ANO7: variants seen among roughly 807,000 people sequenced by gnomAD.
ANO7 encodes the protein anoctamin-7.
Under a neutral mutation model 115.8 loss-of-function variants are expected in ANO7, and 114 were observed. The observed-to-expected ratio is 0.98, with a 90% CI of 0.85 to 1.15. ANO7 has a LOEUF of 1.15. ANO7 is among the 50% of genes most tolerant of loss of function. The probability of loss-of-function intolerance (pLI) is 0.00; values close to 1 mark genes in which losing one functional copy is unlikely to be tolerated. For missense variants in ANO7, 1,302 were observed against 1,201.2 expected (o/e 1.08, Z -1.24); for synonymous variants, 550 against 498.2 (o/e 1.10, Z -1.38).
intron 5 of ANO7, among the ~76,000 whole-genome samples, chr2:241,199,851 C>A (rs956731731): frequency 6.6e-6 from 1 of 152,194 alleles, no homozygotes; most frequent in African/African-American, 2.4e-5. Context: ...CCAGTTCCCA[C>A]CCCTTTTCCA....
intron 19 of ANO7, 135 bp downstream of exon 19, chr2:241,216,373 G>T: frequency 2.6e-6 from 3 of 1,153,530 alleles, no homozygotes; most frequent in Non-Finnish European, 2.4e-6. Context: ...GGTGGGGTGG[G>T]AACAGAGGGT....
Position 241,209,629 on chromosome 2 carries a change from G to A in ANO7, c.1353G>A (p.Val451=). 6.4e-7 allele frequency: 1 copy of A among 1,556,258 alleles called. No homozygotes were observed. Among genetic ancestry groups the A allele is most frequent in the Non-Finnish European group, 8.7e-7 (1 of 1,153,164 alleles). Residue 451 remains valine (V), a synonymous_variant, in exon 13 of 25, where the codon GTG becomes GTA. Coordinates refer to ENST00000674324, the MANE Select transcript of ANO7 (RefSeq NM_001370694.2). ...TGCTGGCCGGCTCTGTGGTGATCGT[G>A]GTGATGGTATGCGGTCCCCCTGCCC... ...RRMLAGSVVI[V]VMVAVVVMCL... is the part of the protein sequence containing the mutation.
intron 2 of ANO7, 146 bp from the exon 3 acceptor site, chr2:241,191,048 G>C: frequency 1.1e-6 from 1 of 911,462 alleles, no homozygotes; most frequent in Non-Finnish European, 1.7e-6. Flanking sequence ...CCCACCCGCC[G>C]AACATTCTTC....
the ANO7 span, chr2:241,233,704 C>A: frequency 2.1e-4 from 229 of 1,115,872 alleles, no homozygotes; most frequent in Non-Finnish European, 2.8e-4. This position sits in a 1 kb window ranked among gnomAD's most constrained non-coding sequence, Gnocchi z 4.3. Flanking sequence ...GAGAGACTTG[C>A]CACTCTCAAC....
chr2:241,218,402 AG>A, intron 21 of ANO7, 21 bp downstream of exon 21: 1 of 1,275,954 alleles, frequency 7.8e-7, no homozygotes, highest in Non-Finnish European at 9.9e-7. Flanking sequence ...CGCCAGGTGG[AG>A]GGGGCCGCGG....
the ANO7 span, among the ~76,000 whole-genome samples, chr2:241,235,894 G>T: frequency 1.1e-4 from 16 of 152,268 alleles, no homozygotes; most frequent in Non-Finnish European, 2.1e-4. Flanking sequence ...CACATCCTCG[G>T]GGTCATGACG....
intron 21 of ANO7, among the ~76,000 whole-genome samples, chr2:241,219,250 A>T (rs2068950326): frequency 1.3e-5 from 2 of 152,188 alleles, no homozygotes; most frequent in Admixed American, 1.3e-4. Flanking sequence ...CTAATGTTGG[A>T]GCAAATCTCA....
chr2:241,228,694 GA>G (rs1305554579), downstream of ANO7: 1 of 152,884 alleles, frequency 6.5e-6, no homozygotes, highest in Non-Finnish European at 1.5e-5. Context: ...GGCTGAGGTA[GA>G]AAGAAGGCAA....
chr2:241,189,339 G>A lies in ANO7; in HGVS notation c.-8+573G>A, dbSNP rs192767592. Among the ~76,000 whole-genome samples, 66 of 152,286 alleles carry A rather than the reference G, an allele frequency of 4.3e-4. No individual in the cohort carries two copies. In the East Asian group the frequency reaches 0.012, roughly 28 times the overall value. On this transcript the variant is annotated intron_variant, in intron 1 of 24. Transcript: ENST00000674324. ...GAAGGCTGCCCCTCCGACCTCCTGC[G>A]GCGCCTCCATGGTCACACCCTCCGG...
In ANO7 at chr2:241,211,036, C is replaced by T. The variant is rs114987738; in HGVS notation, c.1561+466C>T. ...ACAAACAATCCCTGGGTTAGGAAGC[C>T]AGTGCTCCCTATTTCTAAATGTGGT... On this transcript the variant is annotated intron_variant, in intron 15 of 24. Transcript: ENST00000674324. Among the ~76,000 whole-genome samples, 1,026 of 152,262 alleles carry T rather than the reference C, an allele frequency of 6.7e-3. 5 individuals carry two copies. The highest frequency in any genetic ancestry group is 0.023 in the African/African-American group (952 of 41,530).
intron 23 of ANO7, 32 bp downstream of exon 23, chr2:241,223,813 C>A (rs766637523): frequency 1.2e-6 from 2 of 1,614,080 alleles, no homozygotes; most frequent in Non-Finnish European, 1.7e-6. Flanking sequence ...CGGCCCTCCC[C>A]CCAGCCCTCT....
intron 11 of ANO7, among the ~76,000 whole-genome samples, chr2:241,208,120 C>T (rs1467444800): frequency 6.6e-6 from 1 of 152,230 alleles, no homozygotes; most frequent in African/African-American, 2.4e-5. Context: ...TGTCCACCTT[C>T]CCAGGGGCCT....
At chr2:241,196,103 A>T in intron 4 of ANO7, 1 of 1,389,202 alleles carries the variant, frequency 7.2e-7, no homozygotes, top group Non-Finnish European at 9.3e-7. Context: ...TCACCTGAAA[A>T]CTCTGACACT....
chr2:241,210,404 G>A lies in ANO7; in HGVS notation c.1458+11G>A, dbSNP rs1233951810. ...CTTCTCGCAGCCTGGGTGAGCCTCT[G>A]CTGCCTGCCTCGGGGGGCCCTGAGC... On this transcript the variant is annotated intron_variant, in intron 14 of 24. Transcript: ENST00000674324. 6.2e-7 allele frequency: 1 copy of A among 1,613,964 alleles called. No homozygotes were observed. The highest frequency in any genetic ancestry group is 8.5e-7 in the Non-Finnish European group (1 of 1,179,978).
At position 241,204,996 on chromosome 2, in the gene ANO7, G is replaced by GCCA. The variant is rs765130802; in HGVS notation, c.980+43_980+44insACC. ...CCGCAGCTCTGGGGCCTGGTGCTGG[G>GCCA]CCTCCAGATGGGTGTGGGGCGGGGG... On this transcript the variant is annotated intron_variant, in intron 10 of 24. Coordinates refer to ENST00000674324, the MANE Select transcript of ANO7 (RefSeq NM_001370694.2). 1.2e-4 allele frequency: 196 copies of GCCA among 1,578,762 alleles called. 2 individuals carry two copies. Among genetic ancestry groups the GCCA allele is most frequent in the Admixed American group, 6.9e-4 (41 of 59,784 alleles).
intron 10 of ANO7, among the ~76,000 whole-genome samples, chr2:241,205,206 G>A (rs1010499624): frequency 3.3e-5 from 5 of 150,260 alleles, no homozygotes. Context: ...CTGACAGGTG[G>A]ACAGGAGTGC....
the ANO7 span, among the ~76,000 whole-genome samples, chr2:241,236,977 TGGGGGGGGG>T: frequency 1.5e-4 from 16 of 108,200 alleles, no homozygotes; most frequent in African/African-American, 2.3e-4. Context: ...TCCCAGACCT[TGGGGGGGGG>T]GGGGGGGGCG....
intron 6 of ANO7, 35 bp downstream of exon 6, chr2:241,200,260 C>G (rs752578940): frequency 1.2e-6 from 2 of 1,601,228 alleles, no homozygotes; most frequent in East Asian, 4.5e-5. Flanking sequence ...GAGGAAAGAA[C>G]AGGAGTGAGT....
At chr2:241,226,484 GTA>G (rs2069175291), downstream of ANO7, among the ~76,000 whole-genome samples, 6 of 151,588 alleles carry the variant, frequency 4.0e-5, no homozygotes, top group Non-Finnish European at 7.4e-5. Context: ...GAGTGCAGTG[GTA>G]CGATCTCGGC....
Sources: gnomAD v4.1 joint callset for allele counts (sites outside exome capture counted in the v4.1 genomes callset) on GRCh38, gnomAD v4.1.1 for gene constraint, Gnocchi (gnomAD v3.1) non-coding constraint, MANE v1.5 for transcripts, NCBI Gene and HGNC (gene_info 2026-07-23, HGNC 2026-07-21) for gene names.